The following MCTP1 variants were observed in gnomAD, a reference collection of about 807,000 sequenced individuals.
MCTP1 encodes the protein multiple C2 and transmembrane domain containing 1.
In MCTP1, 69 loss-of-function variants were observed where a neutral mutation model predicts 120.6. The ratio of observed to expected loss-of-function variants is 0.57; its 90% confidence interval spans 0.47 to 0.70. MCTP1 has a LOEUF of 0.70. Among genes scored for constraint, MCTP1 ranks in the 30% least tolerant of loss-of-function variants. The pLI is 0.00. For synonymous variants in MCTP1, 529 were observed against 493.1 expected, an observed-to-expected ratio of 1.07 and a Z score of -0.96; for missense variants, 1,203 against 1,248.8, an observed-to-expected ratio of 0.96 and a Z score of 0.55.
chr5:94,734,336 T>G (rs1475768476), intron 19 of MCTP1, among the ~76,000 whole-genome samples: 1 of 152,236 alleles, frequency 6.6e-6, no homozygotes, highest in Non-Finnish European at 1.5e-5. Context: ...TGTGGAAAAC[T>G]TGGAAAATAA....
At chr5:95,173,626 C>T (rs895089602) in intron 1 of MCTP1, among the ~76,000 whole-genome samples, 3 of 152,134 alleles carry the variant, frequency 2.0e-5, no homozygotes, top group African/African-American at 7.2e-5. Context: ...ACATAATTGA[C>T]ATTTAGAGCA....
At chr5:94,809,487 T>C (rs1396793431) in intron 17 of MCTP1, among the ~76,000 whole-genome samples, 6 of 152,130 alleles carry the variant, frequency 3.9e-5, no homozygotes, top group African/African-American at 1.4e-4. Context: ...CAAATGCTTA[T>C]AGATGCCTGG....
intron 1 of MCTP1, among the ~76,000 whole-genome samples, chr5:95,257,862 G>A (rs998528345): frequency 1.5e-4 from 19 of 122,652 alleles, no homozygotes; most frequent in African/African-American, 5.1e-4. Context: ...GCACTGGGTC[G>A]AAATGAAAGC....
Position 94,836,179 on chromosome 5 carries a change from CAAAAAAAAAAAAA to C in MCTP1, c.2436+32141_2436+32153del, listed in dbSNP as rs35396232. ...TGGGCAACAGAGCAAGACTCCGTCT[CAAAAAAAAAAAAA>C]AAAAAAAAAAAAAACCAAAGAGAGA... On this transcript the variant is annotated intron_variant, in intron 17 of 22. Transcript: ENST00000515393. Among the ~76,000 whole-genome samples, 97 of 65,988 alleles carry C rather than the reference CAAAAAAAAAAAAA, an allele frequency of 1.5e-3. 4 individuals carry two copies. The Middle Eastern group carries it at 0.051, about 35-fold the overall frequency. 43.3% of individuals were successfully genotyped at this position (65,988 alleles called of 152,430 possible). A position where few individuals can be genotyped will look rare whatever the true frequency, so the allele number is the denominator to read the frequency against.
At chr5:94,814,360 C>A (rs746999573) in intron 17 of MCTP1, among the ~76,000 whole-genome samples, 7 of 152,210 alleles carry the variant, frequency 4.6e-5, no homozygotes, top group Non-Finnish European at 1.0e-4. Context: ...GCCAACACTT[C>A]CAAAATATTT....
At chr5:95,142,395 T>C (rs1037981034) in intron 1 of MCTP1, among the ~76,000 whole-genome samples, 3 of 152,190 alleles carry the variant, frequency 2.0e-5, no homozygotes, top group Admixed American at 1.3e-4. Context: ...TAATTAGGAA[T>C]CAAACATGAG....
At chr5:94,796,580 T>A (rs1258260186) in intron 18 of MCTP1, among the ~76,000 whole-genome samples, 1 of 138,278 alleles carries the variant, frequency 7.2e-6, no homozygotes, top group South Asian at 2.2e-4. Flanking sequence ...TGTATCCACA[T>A]ACACACACAC....
At chr5:95,155,774 G>T (rs76155417) in intron 1 of MCTP1, among the ~76,000 whole-genome samples, 5,713 of 152,246 alleles carry the variant, frequency 0.038, 143 homozygotes, top group Non-Finnish European at 0.058. Context: ...CCCCCATAGT[G>T]TTCACACCCT....
rs1307340599 is a variant in MCTP1 at position 95,254,386 on chromosome 5, G to A, written c.720+29470C>T. ...CCAGATGAGAAAACTCAGGAACACC[G>A]TGAATAAATACCCTATCTAACTAAG... is the stretch of plus-strand genomic sequence containing the variant. On this transcript the variant is annotated intron_variant, in intron 1 of 22. Coordinates refer to ENST00000515393, the MANE Select transcript of MCTP1 (RefSeq NM_024717.7). Among the ~76,000 whole-genome samples, 9 of 152,162 alleles carry A rather than the reference G, an allele frequency of 5.9e-5. No individual in the cohort carries two copies. The East Asian group carries it at 9.6e-4, about 16-fold the overall frequency.
At chr5:94,773,930 C>CCATGACTA (rs1580611476) in intron 19 of MCTP1, among the ~76,000 whole-genome samples, 1 of 40,136 alleles carries the variant, frequency 2.5e-5, no homozygotes, top group Admixed American at 2.4e-4. Context: ...TGAAATAGGC[C>CCATGACTA]GGGCGCGGTG....
chr5:94,824,261 T>C (rs1048464982), intron 17 of MCTP1, among the ~76,000 whole-genome samples: 1 of 152,224 alleles, frequency 6.6e-6, no homozygotes, highest in African/African-American at 2.4e-5. Context: ...GAAGGGGTGT[T>C]GAATTTTATT....
At chr5:95,277,421 T>TGG (rs1759942137) in intron 1 of MCTP1, among the ~76,000 whole-genome samples, 3 of 152,198 alleles carry the variant, frequency 2.0e-5, no homozygotes, top group Non-Finnish European at 4.4e-5. Context: ...CTGCCAGGCT[T>TGG]AAAAGGACTT....
chr5:95,199,356 A>C (rs1211327446), intron 1 of MCTP1, among the ~76,000 whole-genome samples: 1 of 152,234 alleles, frequency 6.6e-6, no homozygotes, highest in East Asian at 1.9e-4. Context: ...AAGGCTTAAT[A>C]TCCAAAATAT....
chr5:95,269,839 CAACT>C (rs1437025784), intron 1 of MCTP1, among the ~76,000 whole-genome samples: 1 of 152,200 alleles, frequency 6.6e-6, no homozygotes, highest in African/African-American at 2.4e-5. Flanking sequence ...ACATAAAATG[CAACT>C]AACACTATCT....
At chr5:94,930,829 T>C (rs1016854521) in intron 6 of MCTP1, 2 of 152,158 alleles carry the variant, frequency 1.3e-5, no homozygotes, top group African/African-American at 4.8e-5. Context: ...ATATGAACAG[T>C]GCAAATATTT....
In MCTP1 at chr5:95,095,057, T is replaced by TG. The variant is rs1320701164; in HGVS notation, c.721-77574_721-77573insC. Reference sequence around the variant, plus strand: ...TTTTTTTTTTGAGACGGAGTCTCGCTCTGTCGCCCAGGCTGGAGTGCAGTG... The same window carrying TG: ...TTTTTTTTTTGAGACGGAGTCTCGCTGCTGTCGCCCAGGCTGGAGTGCAGTG... On this transcript the variant is annotated intron_variant, in intron 1 of 22. Transcript: ENST00000515393. Among the ~76,000 whole-genome samples, 112 of 123,380 alleles carry TG rather than the reference T, an allele frequency of 9.1e-4. 1 individual carries two copies. The highest frequency in any genetic ancestry group is 3.3e-3 in the African/African-American group (107 of 32,062). 80.9% of individuals were successfully genotyped at this position (123,380 alleles called of 152,430 possible).
intron 2 of MCTP1, among the ~76,000 whole-genome samples, chr5:94,960,545 A>G (rs996465658): frequency 6.6e-6 from 1 of 152,196 alleles, no homozygotes; most frequent in Non-Finnish European, 1.5e-5. Flanking sequence ...AATATCCAGA[A>G]TCTACAAGGA....
At chr5:95,019,378 T>C (rs761773241) in intron 1 of MCTP1, among the ~76,000 whole-genome samples, 3 of 152,048 alleles carry the variant, frequency 2.0e-5, no homozygotes, top group Non-Finnish European at 4.4e-5. Flanking sequence ...CTTACTCATC[T>C]TACAGCTGAA....
At position 95,218,804 on chromosome 5, in the gene MCTP1, C is replaced by T. The variant is rs184317159; in HGVS notation, c.720+65052G>A. On this transcript the variant is annotated intron_variant, in intron 1 of 22. Coordinates refer to ENST00000515393, the MANE Select transcript of MCTP1 (RefSeq NM_024717.7). ...GATGGTATAGCCTGTTGCTCTGAGG[C>T]TACCAACCTACACAGTAAGTTACCG... Among the ~76,000 whole-genome samples the T allele has an allele frequency of 9.0e-4, 137 of 152,262 alleles. 2 individuals carry two copies. The highest frequency in any genetic ancestry group is 7.4e-3 in the Admixed American group (113 of 15,296).
Sources: gnomAD v4.1 joint callset for allele counts (sites outside exome capture counted in the v4.1 genomes callset) on GRCh38, gnomAD v4.1.1 for gene constraint, MANE v1.5 for transcripts, NCBI Gene and HGNC (gene_info 2026-07-23, HGNC 2026-07-21) for gene names.